Variants in TLR7 observed in about 807,000 individuals in gnomAD.
The protein encoded by TLR7 is toll-like receptor 7.
A neutral mutation model predicts 38.3 loss-of-function variants in TLR7; 12 were observed. That is an observed-to-expected ratio of 0.31 (90% CI 0.20 to 0.51). The LOEUF is 0.51. Among genes scored for constraint, TLR7 ranks in the 20% least tolerant of loss-of-function variants. TLR7 has a pLI of 0.98. For synonymous variants in TLR7, 285 were observed against 293.8 expected, an observed-to-expected ratio of 0.97 and a Z score of 0.31; for missense variants, 504 against 743.4, an observed-to-expected ratio of 0.68 and a Z score of 3.74.
At chrX:12,883,807 C>G (rs1054406334) in intron 2 of TLR7, among the ~76,000 whole-genome samples, 2 of 110,432 alleles carry the variant, frequency 1.8e-5, no homozygotes, top group African/African-American at 6.6e-5. Context: ...GCTGGACTCT[C>G]AATGTTTTTA....
At chrX:12,884,742 C>T (rs190074232) in intron 2 of TLR7, among the ~76,000 whole-genome samples, 5 of 112,233 alleles carry the variant, frequency 4.5e-5, no homozygotes, top group African/African-American at 9.7e-5. Flanking sequence ...ATCAGTTATA[C>T]GGTTCCTCTG....
At chrX:12,868,654 G>A (rs1344432930) in intron 2 of TLR7, among the ~76,000 whole-genome samples, 5 of 111,663 alleles carry the variant, frequency 4.5e-5, no homozygotes, top group Non-Finnish European at 9.4e-5. Context: ...GTGGTATGAT[G>A]CAAGTGTGAG....
chrX:12,881,591 T>C (rs1260475218), intron 2 of TLR7, among the ~76,000 whole-genome samples: 1 of 109,035 alleles, frequency 9.2e-6, no homozygotes, highest in African/African-American at 3.3e-5. Context: ...CTGAGTTATT[T>C]ATTCTTTTTT....
At chrX:12,872,413 C>T (rs1602433703) in intron 2 of TLR7, among the ~76,000 whole-genome samples, 1 of 110,873 alleles carries the variant, frequency 9.0e-6, no homozygotes, top group African/African-American at 3.3e-5. Flanking sequence ...AGCTAGGTGC[C>T]GAAGCAGCTG....
chrX:12,874,129 G>C (rs2147241742), intron 2 of TLR7, among the ~76,000 whole-genome samples: 1 of 111,589 alleles, frequency 9.0e-6, no homozygotes, highest in Admixed American at 9.5e-5. Context: ...AGACCAGCCT[G>C]GCCAACATGG....
rs759458178 is a variant in TLR7, at chrX:12,883,886, A to T, written c.4-1626A>T. Among the ~76,000 whole-genome samples the T allele has an allele frequency of 7.2e-5, 8 of 111,776 alleles. No homozygotes were observed. In the East Asian group the frequency reaches 2.2e-3, roughly 31 times the overall value. ...AATTTTGTACCTCTAACTCCAACAAACTTTAGACCTGAAAAATCCCTTCTG... is the reference window on the plus strand; with the variant it reads ...AATTTTGTACCTCTAACTCCAACAATCTTTAGACCTGAAAAATCCCTTCTG... On this transcript the variant is annotated intron_variant, in intron 2 of 2. Coordinates refer to ENST00000380659, the MANE Select transcript of TLR7 (RefSeq NM_016562.4).
chrX:12,874,680 C>G (rs1287077087), intron 2 of TLR7, among the ~76,000 whole-genome samples: 1 of 112,408 alleles, frequency 8.9e-6, no homozygotes, highest in East Asian at 2.8e-4. Context: ...CTGTAGCAGA[C>G]AGAGAGACTG....
At chrX:12,868,279 C>T (rs1253940531) in intron 2 of TLR7, among the ~76,000 whole-genome samples, 2 of 111,843 alleles carry the variant, frequency 1.8e-5, no homozygotes, top group Non-Finnish European at 3.8e-5. Flanking sequence ...GATCAGACCT[C>T]ACCTGTGGAT....
chrX:12,889,085 A>T lies in TLR7; in HGVS notation c.*427A>T, dbSNP rs1241668100. 3 of 115,238 alleles carry T rather than the reference A, an allele frequency of 2.6e-5. No homozygotes were observed. In the East Asian group the frequency reaches 8.2e-4, roughly 31 times the overall value. The allele number at this position is 115,238 out of a possible 1,213,427, so 9.5% of individuals were successfully genotyped here. A position where few individuals can be genotyped will look rare whatever the true frequency, so the allele number is the denominator to read the frequency against. On this transcript the variant is annotated 3_prime_UTR_variant, in exon 3 of 3. Coordinates refer to ENST00000380659, the MANE Select transcript of TLR7 (RefSeq NM_016562.4). Reference sequence around the variant, plus strand: ...TCTATATGAGACCAAAATGTACTAGAGTTAGTTTAGTGAAATAAAAAACCA... The same window carrying T: ...TCTATATGAGACCAAAATGTACTAGTGTTAGTTTAGTGAAATAAAAAACCA...
chrX:12,870,748 A>AGTGTT (rs2042849658), intron 2 of TLR7, among the ~76,000 whole-genome samples: 1 of 112,086 alleles, frequency 8.9e-6, no homozygotes, highest in Admixed American at 9.5e-5. Context: ...TTCAAGTTTC[A>AGTGTT]GTGTTTACAA....
At chrX:12,871,214 G>A (rs189034746) in intron 2 of TLR7, among the ~76,000 whole-genome samples, 1 of 111,874 alleles carries the variant, frequency 8.9e-6, no homozygotes, top group East Asian at 2.8e-4. Flanking sequence ...ACTTTACAGA[G>A]ATTAAACTAA....
intron 2 of TLR7, among the ~76,000 whole-genome samples, chrX:12,876,331 GC>G (rs1209181927): frequency 1.8e-5 from 2 of 111,685 alleles, no homozygotes; most frequent in Admixed American, 9.5e-5. Flanking sequence ...CCGCTAAGTA[GC>G]ACAAAATAGA....
At chrX:12,878,709 ACT>A (rs764387442) in intron 2 of TLR7, among the ~76,000 whole-genome samples, 3 of 110,711 alleles carry the variant, frequency 2.7e-5, no homozygotes, top group Non-Finnish European at 5.7e-5. Flanking sequence ...AAGTCTAAAG[ACT>A]CTATGCTTTG....
Position 12,885,492 on chromosome X carries a change from G to C in TLR7, c.4-20G>C. On this transcript the variant is annotated intron_variant, in intron 2 of 2. Transcript: ENST00000380659. Reference sequence around the variant, plus strand: ...TTGGTATGTTTTAGAACAATGATTTGTTCTTTCTTATACTTTCAGGTGTTT... The same window carrying C: ...TTGGTATGTTTTAGAACAATGATTTCTTCTTTCTTATACTTTCAGGTGTTT... 8.7e-7 allele frequency: 1 copy of C among 1,154,011 alleles called. No individual in the cohort carries two copies. Among genetic ancestry groups the C allele is most frequent in the Non-Finnish European group, 1.2e-6 (1 of 860,428 alleles).
At chrX:12,881,645 C>T (rs1488811707) in intron 2 of TLR7, among the ~76,000 whole-genome samples, 10 of 106,336 alleles carry the variant, frequency 9.4e-5, no homozygotes, top group South Asian at 4.2e-4. Flanking sequence ...TATGTCACTG[C>T]AGAAATTTTG....
Position 12,885,857 on chromosome X carries a change from C to A in TLR7, c.349C>A (p.Gln117Lys), listed in dbSNP as rs201467088. Residue 117 changes from glutamine (Q) to lysine (K), a missense_variant, in exon 3 of 3, where the codon CAG (glutamine) becomes AAG (lysine). Physicochemically the swap from Gln to Lys is moderately conservative, Grantham distance 53 (BLOSUM62 1). Transcript: ENST00000380659. ...AAACAACATGTGCATCAAGAGGCTG[C>A]AGATTAAACCCAGAAGCTTTAGTGG... The part of the protein sequence containing the change: ...SKNNMCIKRL[Q>K]IKPRSFSGLT... 11 of 1,211,960 alleles carry A rather than the reference C, an allele frequency of 9.1e-6. No homozygotes were observed. In the Middle Eastern group the frequency reaches 9.2e-4, roughly 101 times the overall value.
chrX:12,868,511 C>T (rs759105376), intron 2 of TLR7, among the ~76,000 whole-genome samples: 2 of 111,303 alleles, frequency 1.8e-5, no homozygotes, highest in African/African-American at 6.5e-5. Flanking sequence ...TTGGGGGGGC[C>T]TTGTGCCTGT....
chrX:12,874,149 G>A (rs747137687), intron 2 of TLR7, among the ~76,000 whole-genome samples: 5 of 110,940 alleles, frequency 4.5e-5, no homozygotes, highest in African/African-American at 6.6e-5. Context: ...GTGAAACCCC[G>A]TCTCTGCTAA....
chrX:12,890,056 C>T lies in TLR7; in HGVS notation c.*1398C>T, dbSNP rs1432052492. 8.9e-6 allele frequency: 1 copy of T among 112,683 alleles called. No homozygotes were observed. The highest frequency in any genetic ancestry group is 3.2e-5 in the African/African-American group (1 of 31,037). The allele number at this position is 112,683 out of a possible 1,213,427, so 9.3% of individuals were successfully genotyped here. A position where few individuals can be genotyped will look rare whatever the true frequency, so the allele number is the denominator to read the frequency against. ...AAGAACCAAGACATTCTTAAGATGCCTGTACTTTCAGCTGGGTATAAATTC... is the reference window on the plus strand; with the variant it reads ...AAGAACCAAGACATTCTTAAGATGCTTGTACTTTCAGCTGGGTATAAATTC... On this transcript the variant is annotated 3_prime_UTR_variant, in exon 3 of 3. Coordinates refer to ENST00000380659, the MANE Select transcript of TLR7 (RefSeq NM_016562.4).
Sources: allele counts gnomAD v4.1 joint callset (sites outside exome capture counted in the v4.1 genomes callset), GRCh38; gene constraint gnomAD v4.1.1; transcripts MANE v1.5; gene names NCBI Gene and HGNC (gene_info 2026-07-23, HGNC 2026-07-21).